The following AJAP1 variants were observed in gnomAD, a reference collection of about 807,000 sequenced individuals.
The protein encoded by AJAP1 is adherens junction-associated protein 1.
A neutral mutation model predicts 35.0 loss-of-function variants in AJAP1; 5 were observed. The observed-to-expected ratio is 0.14, with a 90% CI of 0.07 to 0.30. The LOEUF (loss-of-function observed/expected upper bound fraction) is 0.30. Among genes scored for constraint, AJAP1 ranks in the 10% least tolerant of loss-of-function variants. AJAP1 has a pLI of 1.00. For missense variants in AJAP1, 586 were observed against 571.0 expected (o/e 1.03, Z -0.27); for synonymous variants, 284 against 249.3 (o/e 1.14, Z -1.31).
chr1:4,755,822 G>T (rs1480262644), intron 2 of AJAP1, among the ~76,000 whole-genome samples: 1 of 152,000 alleles, frequency 6.6e-6, no homozygotes, highest in Admixed American at 6.6e-5. Flanking sequence ...CGGGGTGGTG[G>T]GGGGATTAAA....
In AJAP1 at chr1:4,782,917, G is replaced by A. The variant is rs1037553361; in HGVS notation, c.*432G>A. ...TGCCATGTACTGACCCGAAAGGCTCGGCCGCAGAGCCGGGGCCCAGCGAAT... is the reference window on the plus strand; with the variant it reads ...TGCCATGTACTGACCCGAAAGGCTCAGCCGCAGAGCCGGGGCCCAGCGAAT... On this transcript the variant is annotated 3_prime_UTR_variant, in exon 6 of 6. Coordinates refer to ENST00000378191, the MANE Select transcript of AJAP1 (RefSeq NM_018836.4). The surrounding 1 kb of genome is among the most constrained non-coding windows in gnomAD (Gnocchi z 5.3). The A allele has an allele frequency of 3.3e-5, 13 of 398,328 alleles. No homozygotes were observed. Among genetic ancestry groups the A allele is most frequent in the South Asian group, 1.3e-4 (1 of 7,820 alleles). 24.7% of individuals were successfully genotyped at this position (398,328 alleles called of 1,614,324 possible). A position where few individuals can be genotyped will look rare whatever the true frequency, so the allele number is the denominator to read the frequency against.
intron 1 of AJAP1, among the ~76,000 whole-genome samples, chr1:4,680,733 TTTATATATAAA>T (rs1639463699): frequency 6.6e-6 from 1 of 152,224 alleles, no homozygotes. Context: ...CACTGGAGTT[TTTATATATAAA>T]TGTATAAAAT....
intron 1 of AJAP1, among the ~76,000 whole-genome samples, chr1:4,690,827 T>C (rs1331428461): frequency 1.3e-5 from 2 of 152,190 alleles, no homozygotes; most frequent in East Asian, 3.9e-4. Context: ...CGCTGGTGCC[T>C]GAGCAAGGGG....
chr1:4,670,817 T>C (rs972364226), intron 1 of AJAP1, among the ~76,000 whole-genome samples: 1 of 152,244 alleles, frequency 6.6e-6, no homozygotes, highest in Non-Finnish European at 1.5e-5. Flanking sequence ...CAGAATGTTC[T>C]TCCCTTTCCC....
intron 2 of AJAP1, among the ~76,000 whole-genome samples, chr1:4,755,556 C>A (rs1461106102): frequency 6.6e-6 from 1 of 152,092 alleles, no homozygotes; most frequent in Non-Finnish European, 1.5e-5. Context: ...CCCCTGCCTG[C>A]CCATGGACTC....
chr1:4,791,511 T>C lies in AJAP1; in HGVS notation c.*9026T>C, dbSNP rs1557657279. ...GGTTAGCACCAGGGACAAGTCTGGCTCTAATGTATGTTTTATGAAGTCTGA... is the reference window on the plus strand; with the variant it reads ...GGTTAGCACCAGGGACAAGTCTGGCCCTAATGTATGTTTTATGAAGTCTGA... On this transcript the variant is annotated 3_prime_UTR_variant, in exon 6 of 6. Coordinates refer to ENST00000378191, the MANE Select transcript of AJAP1 (RefSeq NM_018836.4). 1 of 152,234 alleles carries C rather than the reference T, an allele frequency of 6.6e-6. No individual in the cohort carries two copies. The allele number at this position is 152,234 out of a possible 1,614,324, so 9.4% of individuals were successfully genotyped here. A position where few individuals can be genotyped will look rare whatever the true frequency, so the allele number is the denominator to read the frequency against.
At position 4,791,001 on chromosome 1, in the gene AJAP1, CTT is replaced by C. The variant is rs1460585994; in HGVS notation, c.*8518_*8519del. 1 of 152,042 alleles carries C rather than the reference CTT, an allele frequency of 6.6e-6. No homozygotes were observed. The highest frequency in any genetic ancestry group is 2.4e-5 in the African/African-American group (1 of 41,376). 9.4% of individuals were successfully genotyped at this position (152,042 alleles called of 1,614,324 possible). On this transcript the variant is annotated 3_prime_UTR_variant, in exon 6 of 6. Coordinates refer to ENST00000378191, the MANE Select transcript of AJAP1 (RefSeq NM_018836.4). The stretch of plus-strand genomic sequence containing the variant: ...CATCCCAATTTGGATCATTTCCTCT[CTT>C]TCTTTCCTGGAGAAACAGGATGGCA...
intron 2 of AJAP1, among the ~76,000 whole-genome samples, chr1:4,737,516 G>A (rs116418129): frequency 4.6e-5 from 7 of 151,908 alleles, no homozygotes; most frequent in Admixed American, 3.9e-4. Flanking sequence ...CGAGATCTGC[G>A]AGCTCATCCT....
intron 2 of AJAP1, among the ~76,000 whole-genome samples, chr1:4,743,658 C>T (rs1641121656): frequency 6.6e-6 from 1 of 152,192 alleles, no homozygotes; most frequent in Non-Finnish European, 1.5e-5. Flanking sequence ...ATTTCTTCCC[C>T]TCTGCACCCT....
chr1:4,733,815 G>A (rs558693377), intron 2 of AJAP1, among the ~76,000 whole-genome samples: 2 of 152,106 alleles, frequency 1.3e-5, no homozygotes, highest in South Asian at 4.2e-4. Flanking sequence ...GAAAATTCTG[G>A]CATTGTGAGC....
intron 1 of AJAP1, among the ~76,000 whole-genome samples, chr1:4,667,416 C>G (rs1047743292): frequency 2.0e-5 from 3 of 152,148 alleles, no homozygotes; most frequent in African/African-American, 7.2e-5. Flanking sequence ...AGTCCCCAAC[C>G]TTTTTGGCAC....
rs1334351314 is a variant in AJAP1 at position 4,788,680 on chromosome 1, C to G, written c.*6195C>G. 1 of 152,316 alleles carries G rather than the reference C, an allele frequency of 6.6e-6. No homozygotes were observed. The highest frequency in any genetic ancestry group is 2.4e-5 in the African/African-American group (1 of 41,454). The allele number at this position is 152,316 out of a possible 1,614,324, so 9.4% of individuals were successfully genotyped here. The stretch of plus-strand genomic sequence containing the variant: ...AGCACTTGAACTTCTCATCTTCCAT[C>G]TTATTTCACTTTGGTTGCAGGGAGT... On this transcript the variant is annotated 3_prime_UTR_variant, in exon 6 of 6. Transcript: ENST00000378191.
Position 4,654,718 on chromosome 1 carries a change from C to T in AJAP1, c.-708C>T, listed in dbSNP as rs867329873. The T allele has an allele frequency of 5.4e-5, 8 of 146,820 alleles. No individual in the cohort carries two copies. The highest frequency in any genetic ancestry group is 1.2e-4 in the Non-Finnish European group (8 of 66,120). 9.1% of individuals were successfully genotyped at this position (146,820 alleles called of 1,614,324 possible). A position where few individuals can be genotyped will look rare whatever the true frequency, so the allele number is the denominator to read the frequency against. On this transcript the variant is annotated 5_prime_UTR_variant, in exon 1 of 6. Coordinates refer to ENST00000378191, the MANE Select transcript of AJAP1 (RefSeq NM_018836.4). The surrounding 1 kb of genome is among the most constrained non-coding windows in gnomAD (Gnocchi z 5.1). ...CGCGCGCCTCCTCCGCGCGGCGCCGCCGCCGCGCGTCCCCACGCCCCGCGC... is the reference window on the plus strand; with the variant it reads ...CGCGCGCCTCCTCCGCGCGGCGCCGTCGCCGCGCGTCCCCACGCCCCGCGC...
At chr1:4,744,499 A>G (rs1641142796) in intron 2 of AJAP1, among the ~76,000 whole-genome samples, 1 of 152,140 alleles carries the variant, frequency 6.6e-6, no homozygotes, top group Non-Finnish European at 1.5e-5. Context: ...ACAGGGCAGG[A>G]TCCAGATGCA....
chr1:4,717,998 T>G (rs548298833), intron 2 of AJAP1, among the ~76,000 whole-genome samples: 1 of 152,338 alleles, frequency 6.6e-6, no homozygotes. Flanking sequence ...TTAATTGGGA[T>G]AAGAGAATCA....
Position 4,711,887 on chromosome 1 carries a change from C to CT in AJAP1, c.30-13_30-12insT, listed in dbSNP as rs1640249217. The CT allele has an allele frequency of 2.1e-6, 3 of 1,446,430 alleles. No individual in the cohort carries two copies. Among genetic ancestry groups the CT allele is most frequent in the Non-Finnish European group, 1.8e-6 (2 of 1,099,218 alleles). 89.6% of individuals were successfully genotyped at this position (1,446,430 alleles called of 1,614,324 possible). ...TCCACTGACCGCTCTTCTCTCCTTT[C>CT]CCCCCCGCACAGCTCCATGTCCATC... is the stretch of plus-strand genomic sequence containing the variant. On this transcript the variant is annotated splice_polypyrimidine_tract_variant and intron_variant, in intron 1 of 5. Transcript: ENST00000378191.
chr1:4,721,466 G>C (rs773373263), intron 2 of AJAP1, among the ~76,000 whole-genome samples: 1 of 152,214 alleles, frequency 6.6e-6, no homozygotes, highest in Non-Finnish European at 1.5e-5. Flanking sequence ...AGCCATGACA[G>C]GCTGGACGGA....
rs1320403538 is a variant in AJAP1 at position 4,790,361 on chromosome 1, C to A, written c.*7876C>A. 1 of 152,136 alleles carries A rather than the reference C, an allele frequency of 6.6e-6. No homozygotes were observed. Among genetic ancestry groups the A allele is most frequent in the African/African-American group, 2.4e-5 (1 of 41,430 alleles). 9.4% of individuals were successfully genotyped at this position (152,136 alleles called of 1,614,324 possible). A position where few individuals can be genotyped will look rare whatever the true frequency, so the allele number is the denominator to read the frequency against. On this transcript the variant is annotated 3_prime_UTR_variant, in exon 6 of 6. Coordinates refer to ENST00000378191, the MANE Select transcript of AJAP1 (RefSeq NM_018836.4). The stretch of plus-strand genomic sequence containing the variant: ...AAACCACATGGGAGTTTCTTTATTG[C>A]GTATGCAGCCAGTCAACATGAATGG...
chr1:4,721,367 T>C (rs1197606669), intron 2 of AJAP1, among the ~76,000 whole-genome samples: 1 of 152,218 alleles, frequency 6.6e-6, no homozygotes, highest in African/African-American at 2.4e-5. Flanking sequence ...GTGGAAGTTC[T>C]TGGTCTGTGT....
Sources: gnomAD v4.1 joint callset for allele counts (sites outside exome capture counted in the v4.1 genomes callset) on GRCh38, gnomAD v4.1.1 for gene constraint, Gnocchi (gnomAD v3.1) non-coding constraint, MANE v1.5 for transcripts, NCBI Gene and HGNC (gene_info 2026-07-23, HGNC 2026-07-21) for gene names.